Variants in C1orf226 observed in about 807,000 individuals in gnomAD.
The protein encoded by C1orf226 is chromosome 1 open reading frame 226.
In C1orf226, 4 loss-of-function variants were observed where a neutral mutation model predicts 10.5. The observed-to-expected ratio is 0.38, with a 90% CI of 0.19 to 0.87. C1orf226 has a LOEUF of 0.87. C1orf226 is among the 40% of genes least tolerant of loss of function. The probability of loss-of-function intolerance (pLI) is 0.41; values close to 1 mark genes in which losing one functional copy is unlikely to be tolerated. For synonymous variants in C1orf226, 125 were observed against 139.3 expected (o/e 0.90, Z 0.72); for missense variants, 313 against 336.2 (o/e 0.93, Z 0.54).
At position 162,383,600 on chromosome 1, in the gene C1orf226, G is replaced by A. The variant is rs1301475621; in HGVS notation, c.736G>A (p.Glu246Lys). The A allele has an allele frequency of 6.2e-7, 1 of 1,607,050 alleles. No individual in the cohort carries two copies. Among genetic ancestry groups the A allele is most frequent in the Non-Finnish European group, 8.5e-7 (1 of 1,176,716 alleles). ...CCCCATCAGCCTGGCTGAGTCCTGG[G>A]AGGATGGCAGCCCCCCTCCTCAGGC... is the stretch of plus-strand genomic sequence containing the variant. Reference protein sequence around the residue: ...LSPISLAESWEDGSPPPQART... With the variant: ...LSPISLAESWKDGSPPPQART... Residue 246 changes from glutamate to lysine, a missense_variant, in exon 2 of 2, where the codon GAG becomes AAG. Coordinates refer to ENST00000458626, the MANE Select transcript of C1orf226 (RefSeq NM_001085375.2).
At chr1:162,380,976 G>A (rs1008494975), upstream of C1orf226, among the ~76,000 whole-genome samples, 5 of 152,184 alleles carry the variant, frequency 3.3e-5, no homozygotes, top group African/African-American at 1.2e-4. Flanking sequence ...AGCTCTTTGA[G>A]TTAATTTTTC....
At chr1:162,380,689 G>A (rs1647876830), upstream of C1orf226, among the ~76,000 whole-genome samples, 1 of 152,212 alleles carries the variant, frequency 6.6e-6, no homozygotes, top group Non-Finnish European at 1.5e-5. Context: ...CTGGCTGCCT[G>A]ATGACTGAGC....
Position 162,381,767 on chromosome 1 carries a change from T to A in C1orf226, c.-135T>A. 1 of 1,485,004 alleles carries A rather than the reference T, an allele frequency of 6.7e-7. No individual in the cohort carries two copies. The highest frequency in any genetic ancestry group is 1.4e-5 in the South Asian group (1 of 70,242). 92.0% of individuals were successfully genotyped at this position (1,485,004 alleles called of 1,614,324 possible). On this transcript the variant is annotated 5_prime_UTR_variant, in exon 1 of 2. Coordinates refer to ENST00000458626, the MANE Select transcript of C1orf226 (RefSeq NM_001085375.2). ...AAGAGTGTCTTTGCTGGCTCTTTCT[T>A]GAATATTTCCAAAGCCTTGGAAGTT...
intron 1 of C1orf226, among the ~76,000 whole-genome samples, chr1:162,382,702 G>A (rs919428522): frequency 2.0e-5 from 3 of 152,186 alleles, no homozygotes; most frequent in Non-Finnish European, 4.4e-5. Flanking sequence ...AAGCGCTGCC[G>A]TAGACTGTTG....
upstream of C1orf226, chr1:162,381,720 A>G (rs1306057517): frequency 7.0e-7 from 1 of 1,427,280 alleles, no homozygotes; most frequent in Non-Finnish European, 9.1e-7. Flanking sequence ...TGTCCCATCA[A>G]GAAAACTACA....
In C1orf226 at chr1:162,383,213, G is replaced by T; in HGVS notation, c.349G>T (p.Asp117Tyr). ...SVLQETFPRL[D>Y]PPPPITRKRT... is the part of the protein sequence containing the mutation. ...CCTGCAAGAAACATTTCCTCGGCTGGATCCTCCACCTCCCATAACCAGAAA... is the reference window on the plus strand; with the variant it reads ...CCTGCAAGAAACATTTCCTCGGCTGTATCCTCCACCTCCCATAACCAGAAA... The change falls in exon 2 of 2, where the codon GAT becomes TAT. Residue 117 changes from aspartate (D) to tyrosine (Y), a missense_variant. Coordinates refer to ENST00000458626, the MANE Select transcript of C1orf226 (RefSeq NM_001085375.2). The T allele has an allele frequency of 6.2e-7, 1 of 1,602,854 alleles. No individual in the cohort carries two copies. The highest frequency in any genetic ancestry group is 8.5e-7 in the Non-Finnish European group (1 of 1,174,456).
At chr1:162,383,008 A>G (rs1351386553) in intron 1 of C1orf226, among the ~76,000 whole-genome samples, 174 bp from the exon 2 acceptor site, 1 of 152,208 alleles carries the variant, frequency 6.6e-6, no homozygotes, top group Admixed American at 6.5e-5. Context: ...AGCTACTGTT[A>G]TGCTGAAATT....
At chr1:162,380,295 C>T (rs1485883545), upstream of C1orf226, among the ~76,000 whole-genome samples, 2 of 152,210 alleles carry the variant, frequency 1.3e-5, no homozygotes, top group African/African-American at 4.8e-5. Flanking sequence ...GGCTCATCCG[C>T]AGAGAGTAGT....
rs1648027351 is a variant in C1orf226 at position 162,384,026 on chromosome 1, C to T, written c.*343C>T. On this transcript the variant is annotated 3_prime_UTR_variant, in exon 2 of 2. Transcript: ENST00000458626. ...GAATTGCAGGGCCACCAGCTCAGGA[C>T]AATGGATCTTACAGGAATTCTTTTT... 2 of 276,856 alleles carry T rather than the reference C, an allele frequency of 7.2e-6. No individual in the cohort carries two copies. Among genetic ancestry groups the T allele is most frequent in the South Asian group, 1.8e-4 (2 of 11,142 alleles). 17.1% of individuals were successfully genotyped at this position (276,856 alleles called of 1,614,324 possible). A position where few individuals can be genotyped will look rare whatever the true frequency, so the allele number is the denominator to read the frequency against.
chr1:162,383,065 G>C, intron 1 of C1orf226, 117 bp from the exon 2 acceptor site: 1 of 946,680 alleles, frequency 1.1e-6, no homozygotes, highest in Non-Finnish European at 1.6e-6. Context: ...AAGGAGTAGA[G>C]CAGTTATTGG....
In C1orf226 at chr1:162,383,453, C is replaced by G. The variant is rs1647990148; in HGVS notation, c.589C>G (p.Leu197Val). The change falls in exon 2 of 2, where the codon CTG becomes GTG. Residue 197 changes from leucine to valine, a missense_variant. Transcript: ENST00000458626. ...GKVLPNGEVS[L>V]SVPDLIHKDS... ...AGTTCTGCCCAATGGAGAGGTTTCC[C>G]TGTCAGTACCTGACCTAATCCACAA... The G allele has an allele frequency of 1.3e-6, 2 of 1,590,180 alleles. No homozygotes were observed. Among genetic ancestry groups the G allele is most frequent in the Non-Finnish European group, 1.7e-6 (2 of 1,167,832 alleles).
Position 162,385,114 on chromosome 1 carries a change from G to A in C1orf226, c.*1431G>A, listed in dbSNP as rs1161021433. 1 of 152,798 alleles carries A rather than the reference G, an allele frequency of 6.5e-6. No individual in the cohort carries two copies. The highest frequency in any genetic ancestry group is 1.5e-5 in the Non-Finnish European group (1 of 68,158). The allele number at this position is 152,798 out of a possible 1,614,324, so 9.5% of individuals were successfully genotyped here. A position where few individuals can be genotyped will look rare whatever the true frequency, so the allele number is the denominator to read the frequency against. On this transcript the variant is annotated 3_prime_UTR_variant, in exon 2 of 2. Coordinates refer to ENST00000458626, the MANE Select transcript of C1orf226 (RefSeq NM_001085375.2). ...GAACAAGGTGGCCGGTTCCCTGGGA[G>A]AAGGCTGGGAATGGCACGTCCGGCC... is the stretch of plus-strand genomic sequence containing the variant.
rs544598904 is a variant in C1orf226, at chr1:162,381,899, G to C, written c.-3G>C. On this transcript the variant is annotated 5_prime_UTR_variant, in exon 1 of 2. Transcript: ENST00000458626. ...CGCCTCTTTGTTCATAGTTGACCAC[G>C]GCATGTTTGAGAATTTGAACACAGC... The C allele has an allele frequency of 2.5e-6, 4 of 1,612,448 alleles. No individual in the cohort carries two copies. The highest frequency in any genetic ancestry group is 1.3e-5 in the African/African-American group (1 of 74,902).
At position 162,383,999 on chromosome 1, in the gene C1orf226, G is replaced by A; in HGVS notation, c.*316G>A. On this transcript the variant is annotated 3_prime_UTR_variant, in exon 2 of 2. Coordinates refer to ENST00000458626, the MANE Select transcript of C1orf226 (RefSeq NM_001085375.2). The stretch of plus-strand genomic sequence containing the variant: ...CTCTTGAGCTTGTCCTGTCTTCTCA[G>A]TGAATTGCAGGGCCACCAGCTCAGG... The A allele has an allele frequency of 2.0e-5, 7 of 345,018 alleles. No homozygotes were observed. Among genetic ancestry groups the A allele is most frequent in the South Asian group, 1.2e-4 (2 of 16,086 alleles). 21.4% of individuals were successfully genotyped at this position (345,018 alleles called of 1,614,324 possible). A position where few individuals can be genotyped will look rare whatever the true frequency, so the allele number is the denominator to read the frequency against.
At position 162,383,844 on chromosome 1, in the gene C1orf226, G is replaced by A. The variant is rs1648017122; in HGVS notation, c.*161G>A. 3 of 701,652 alleles carry A rather than the reference G, an allele frequency of 4.3e-6. No individual in the cohort carries two copies. Among genetic ancestry groups the A allele is most frequent in the Non-Finnish European group, 6.9e-6 (3 of 433,152 alleles). The allele number at this position is 701,652 out of a possible 1,614,324, so 43.5% of individuals were successfully genotyped here. A position where few individuals can be genotyped will look rare whatever the true frequency, so the allele number is the denominator to read the frequency against. Reference sequence around the variant, plus strand: ...TCCATCATGGGATTTTGCAGGACTGGAAGTCCTTGAGTAGTTCTAGTTAAA... The same window carrying A: ...TCCATCATGGGATTTTGCAGGACTGAAAGTCCTTGAGTAGTTCTAGTTAAA... On this transcript the variant is annotated 3_prime_UTR_variant, in exon 2 of 2. Transcript: ENST00000458626.
chr1:162,380,426 G>A (rs542699581), upstream of C1orf226, among the ~76,000 whole-genome samples: 2 of 152,342 alleles, frequency 1.3e-5, no homozygotes, highest in Admixed American at 1.3e-4. Flanking sequence ...GGTTTTCACT[G>A]GCCCGGGATA....
upstream of C1orf226, among the ~76,000 whole-genome samples, chr1:162,379,219 G>C (rs1647833276): frequency 6.6e-6 from 1 of 151,786 alleles, no homozygotes; most frequent in Non-Finnish European, 1.5e-5. Flanking sequence ...GATAATGTGT[G>C]GGGGTCATTA....
At chr1:162,383,046 C>T in intron 1 of C1orf226, 136 bp from the exon 2 acceptor site, 1 of 824,252 alleles carries the variant, frequency 1.2e-6, no homozygotes, top group African/African-American at 1.7e-5. Context: ...AAACCAAGAA[C>T]CAGAGCCCAA....
At position 162,383,694 on chromosome 1, in the gene C1orf226, C is replaced by CT; in HGVS notation, c.*14dup. ...CTGTCCTTTGAATAGAGCCTCTGCT[C>CT]TTTCCTGCTGAGCTCTGCCCTTGTC... On this transcript the variant is annotated 3_prime_UTR_variant, in exon 2 of 2. Transcript: ENST00000458626. 1 of 1,580,270 alleles carries CT rather than the reference C, an allele frequency of 6.3e-7. No homozygotes were observed. The highest frequency in any genetic ancestry group is 8.6e-7 in the Non-Finnish European group (1 of 1,166,048).
Sources: gnomAD v4.1 joint callset for allele counts (sites outside exome capture counted in the v4.1 genomes callset) on GRCh38, gnomAD v4.1.1 for gene constraint, MANE v1.5 for transcripts, NCBI Gene and HGNC (gene_info 2026-07-23, HGNC 2026-07-21) for gene names.